SBNO2: variants seen among roughly 807,000 people sequenced by gnomAD.
The protein encoded by SBNO2 is protein strawberry notch homolog 2.
A neutral mutation model predicts 146.3 loss-of-function variants in SBNO2; 89 were observed. The observed-to-expected ratio is 0.61, with a 90% CI of 0.51 to 0.73. The LOEUF (loss-of-function observed/expected upper bound fraction) is 0.73, where lower values mean the gene tolerates loss of function less well. Among genes scored for constraint, SBNO2 ranks in the 30% least tolerant of loss-of-function variants. The pLI is 0.00. For synonymous variants in SBNO2, 1,147 were observed against 892.6 expected, an observed-to-expected ratio of 1.29 and a Z score of -5.08; for missense variants, 2,092 against 2,003.7, an observed-to-expected ratio of 1.04 and a Z score of -0.84.
Position 1,119,918 on chromosome 19 carries a change from C to T in SBNO2, c.1255G>A (p.Ala419Thr), listed in dbSNP as rs376093678. The T allele has an allele frequency of 6.5e-6, 10 of 1,547,000 alleles. No homozygotes were observed. In the Admixed American group the frequency reaches 7.8e-5, roughly 12 times the overall value. The change falls in exon 12 of 32, where the codon GCC (alanine) becomes ACC (threonine). Residue 419 changes from alanine to threonine, a missense_variant. Ala to Thr is a moderately conservative substitution (Grantham distance 58). Transcript: ENST00000361757. ...CGCACCGCCCCACCTGTGGCGCTGG[C>T]GTAGACCACGCGGGCCAGGGGCAGC... ...NKLPLARVVY[A>T]SATGASEPRN...
chr19:1,161,845 G>A (rs868333412), intron 1 of SBNO2, among the ~76,000 whole-genome samples: 27 of 149,132 alleles, frequency 1.8e-4, no homozygotes, highest in African/African-American at 5.4e-4. Flanking sequence ...TGAAAGAGTC[G>A]TCAGTCAGGC....
At position 1,119,607 on chromosome 19, in the gene SBNO2, G is replaced by C. The variant is rs927446298; in HGVS notation, c.1282C>G (p.Arg428Gly). ...AAGCGGCTCATGTAGATCATGTTCC[G>C]AGGCTCAGAGGCACCTGTGGGGGGA... The part of the protein sequence containing the change: ...YASATGASEP[R>G]NMIYMSRLGI... The change falls in exon 13 of 32, where the codon CGG becomes GGG. Residue 428 changes from arginine (R) to glycine (G), a missense_variant. Physicochemically the swap from Arg to Gly is moderately radical, Grantham distance 125. Coordinates refer to ENST00000361757, the MANE Select transcript of SBNO2 (RefSeq NM_014963.3). The C allele has an allele frequency of 3.7e-6, 6 of 1,607,902 alleles. No individual in the cohort carries two copies. Among genetic ancestry groups the C allele is most frequent in the East Asian group, 2.2e-5 (1 of 44,652 alleles).
At chr19:1,154,811 G>A (rs577266544) in intron 1 of SBNO2, among the ~76,000 whole-genome samples, 2 of 152,304 alleles carry the variant, frequency 1.3e-5, no homozygotes, top group East Asian at 3.9e-4. Flanking sequence ...GCACCCAGGG[G>A]AGCCCAGGGG....
In SBNO2 at chr19:1,126,085, G is replaced by A. The variant is rs907706819; in HGVS notation, c.441+1519C>T. Among the ~76,000 whole-genome samples the A allele has an allele frequency of 3.9e-5, 6 of 152,148 alleles. No homozygotes were observed. Among genetic ancestry groups the A allele is most frequent in the African/African-American group, 1.2e-4 (5 of 41,430 alleles). On this transcript the variant is annotated intron_variant, in intron 5 of 31. Coordinates refer to ENST00000361757, the MANE Select transcript of SBNO2 (RefSeq NM_014963.3). The surrounding 1 kb of genome is among the most constrained non-coding windows in gnomAD (Gnocchi z 4.4). ...ACGTCCTGAGACGGGTGAGGTTTCC[G>A]CCCAAGCCTGCCTGAGCCCGGGCCG...
At chr19:1,122,625 C>G in intron 9 of SBNO2, 33 bp downstream of exon 9, 10 of 1,510,920 alleles carry the variant, frequency 6.6e-6, no homozygotes, top group Non-Finnish European at 8.9e-6. Flanking sequence ...CCCCCACCCC[C>G]GCTCCCGCCC....
rs947482927 is a variant in SBNO2 at position 1,110,415 on chromosome 19, C to G, written c.3028+330G>C. On this transcript the variant is annotated intron_variant, in intron 26 of 31. Transcript: ENST00000361757. The surrounding 1 kb of genome is among the most constrained non-coding windows in gnomAD (Gnocchi z 4.9). ...CCTTCCAGAGACGTGCACGGTGATC[C>G]CACGAGCCCTGTGCCTGCATCCGCC... Among the ~76,000 whole-genome samples the G allele has an allele frequency of 3.3e-5, 5 of 152,164 alleles. No individual in the cohort carries two copies. The highest frequency in any genetic ancestry group is 7.4e-5 in the Non-Finnish European group (5 of 68,006).
rs1374005783 is a variant in SBNO2 at position 1,141,824 on chromosome 19, T to A, written c.279+5485A>T. On this transcript the variant is annotated intron_variant, in intron 4 of 31. Transcript: ENST00000361757. Reference sequence around the variant, plus strand: ...TTTTTATACAGATAGGGTCTCACTATGTTGCGCAGGCTGGTCTCAAACCCC... The same window carrying A: ...TTTTTATACAGATAGGGTCTCACTAAGTTGCGCAGGCTGGTCTCAAACCCC... 2.0e-5 allele frequency among the ~76,000 whole-genome samples: 3 copies of A among 151,830 alleles called. No individual in the cohort carries two copies. In the East Asian group the frequency reaches 5.8e-4, roughly 30 times the overall value.
Position 1,158,860 on chromosome 19 carries a change from G to A in SBNO2, c.-126-4458C>T, listed in dbSNP as rs952096410. On this transcript the variant is annotated intron_variant, in intron 1 of 31. Coordinates refer to ENST00000361757, the MANE Select transcript of SBNO2 (RefSeq NM_014963.3). This position sits in a 1 kb window ranked among gnomAD's most constrained non-coding sequence, Gnocchi z 9.9. ...TGCGGCCTCCGGTGACCTCACAGCC[G>A]TGATGGCCTCCTGCAGCTGTGACCG... is the stretch of plus-strand genomic sequence containing the variant. Among the ~76,000 whole-genome samples, 10 of 152,118 alleles carry A rather than the reference G, an allele frequency of 6.6e-5. No homozygotes were observed. Among genetic ancestry groups the A allele is most frequent in the African/African-American group, 1.9e-4 (8 of 41,370 alleles).
rs547846994 is a variant in SBNO2 at position 1,156,376 on chromosome 19, A to G, written c.-126-1974T>C. On this transcript the variant is annotated intron_variant, in intron 1 of 31. Coordinates refer to ENST00000361757, the MANE Select transcript of SBNO2 (RefSeq NM_014963.3). The stretch of plus-strand genomic sequence containing the variant: ...TGGACCGGGAGGGGATGGGGGCAGG[A>G]GAACAATGCGGACACCAGGCACAAC... Among the ~76,000 whole-genome samples the G allele has an allele frequency of 2.6e-5, 4 of 152,238 alleles. No individual in the cohort carries two copies. In the South Asian group the frequency reaches 8.3e-4, roughly 32 times the overall value.
intron 4 of SBNO2, among the ~76,000 whole-genome samples, chr19:1,133,240 G>A (rs757490592): frequency 6.6e-6 from 1 of 152,180 alleles, no homozygotes; most frequent in Non-Finnish European, 1.5e-5. Context: ...GGCCGAGACC[G>A]CGCAGGTGGC....
rs2079970820 is a variant in SBNO2, at chr19:1,126,814, C to T, written c.441+790G>A. On this transcript the variant is annotated intron_variant, in intron 5 of 31. Coordinates refer to ENST00000361757, the MANE Select transcript of SBNO2 (RefSeq NM_014963.3). The surrounding 1 kb of genome is among the most constrained non-coding windows in gnomAD (Gnocchi z 4.4). Reference sequence around the variant, plus strand: ...TAGAAGCTTCTCTCGTGGACAGGCCCGGATTGGGGAAGGGACTTGCCAGGC... The same window carrying T: ...TAGAAGCTTCTCTCGTGGACAGGCCTGGATTGGGGAAGGGACTTGCCAGGC... Among the ~76,000 whole-genome samples the T allele has an allele frequency of 6.6e-6, 1 of 152,226 alleles. No individual in the cohort carries two copies. Among genetic ancestry groups the T allele is most frequent in the Admixed American group, 6.5e-5 (1 of 15,290 alleles).
At chr19:1,161,986 C>G (rs1348454612) in intron 1 of SBNO2, among the ~76,000 whole-genome samples, 2 of 139,368 alleles carry the variant, frequency 1.4e-5, no homozygotes, top group East Asian at 4.2e-4. Context: ...GCCAGACAGA[C>G]GGACGTCCTG....
Position 1,112,762 on chromosome 19 carries a change from C to A in SBNO2, c.2379+56G>T. On this transcript the variant is annotated intron_variant, in intron 20 of 31. Coordinates refer to ENST00000361757, the MANE Select transcript of SBNO2 (RefSeq NM_014963.3). This position sits in a 1 kb window ranked among gnomAD's most constrained non-coding sequence, Gnocchi z 5.9. Reference sequence around the variant, plus strand: ...TCCACAGTCCCCGGGGACCCTTGGGCCCCTCTGTGCCTCTTGGGTCCCGTG... The same window carrying A: ...TCCACAGTCCCCGGGGACCCTTGGGACCCTCTGTGCCTCTTGGGTCCCGTG... 1.3e-6 allele frequency: 2 copies of A among 1,513,460 alleles called. No individual in the cohort carries two copies. Among genetic ancestry groups the A allele is most frequent in the South Asian group, 1.2e-5 (1 of 81,292 alleles). The allele number at this position is 1,513,460 out of a possible 1,614,324, so 93.8% of individuals were successfully genotyped here.
chr19:1,142,516 C>A (rs1195662560), intron 4 of SBNO2, among the ~76,000 whole-genome samples: 1 of 152,160 alleles, frequency 6.6e-6, no homozygotes, highest in African/African-American at 2.4e-5. Flanking sequence ...CCCGTCTCTA[C>A]TAAAAATACA....
At chr19:1,139,521 G>A (rs1395340976) in intron 4 of SBNO2, among the ~76,000 whole-genome samples, 2 of 152,084 alleles carry the variant, frequency 1.3e-5, no homozygotes, top group Non-Finnish European at 2.9e-5. Context: ...GGGGCGGGGC[G>A]TGGTGGCTCG....
intron 4 of SBNO2, among the ~76,000 whole-genome samples, chr19:1,145,568 G>A (rs2080182409): frequency 6.6e-6 from 1 of 152,106 alleles, no homozygotes; most frequent in Non-Finnish European, 1.5e-5. Context: ...GGCGGGGCAA[G>A]GACAGGCTGA....
chr19:1,125,409 G>T lies in SBNO2; in HGVS notation c.442-1387C>A, dbSNP rs914905929. Among the ~76,000 whole-genome samples the T allele has an allele frequency of 6.7e-4, 99 of 147,362 alleles. 2 individuals carry two copies. Among genetic ancestry groups the T allele is most frequent in the Non-Finnish European group, 1.5e-4 (10 of 67,176 alleles). On this transcript the variant is annotated intron_variant, in intron 5 of 31. Coordinates refer to ENST00000361757, the MANE Select transcript of SBNO2 (RefSeq NM_014963.3). ...GCGTGGGCCGGGCATGGTGGCTCAC[G>T]CCTGTAATCCCAGCACTTCGGGAGG...
Position 1,122,142 on chromosome 19 carries a change from G to C in SBNO2, c.1146C>G (p.Gly382=). The C allele has an allele frequency of 7.3e-7, 1 of 1,378,620 alleles. No homozygotes were observed. Among genetic ancestry groups the C allele is most frequent in the African/African-American group, 1.5e-5 (1 of 65,960 alleles). The allele number at this position is 1,378,620 out of a possible 1,614,324, so 85.4% of individuals were successfully genotyped here. A position where few individuals can be genotyped will look rare whatever the true frequency, so the allele number is the denominator to read the frequency against. ...CCGATTGCCCCCAGCAGGATACGACGCCCTCGAAGGCCTCCCCACACCAGT... is the reference window on the plus strand; with the variant it reads ...CCGATTGCCCCCAGCAGGATACGACCCCCTCGAAGGCCTCCCCACACCAGT... ...ILDWCGEAFE[G]VIVFDECHKA... is the part of the protein sequence containing the mutation. The change falls in exon 11 of 32, where the codon GGC becomes GGG. Residue 382 remains glycine (G), a synonymous_variant. Transcript: ENST00000361757.
At chr19:1,151,528 CAG>C (rs796554948) in intron 2 of SBNO2, among the ~76,000 whole-genome samples, 15 of 152,386 alleles carry the variant, frequency 9.8e-5, no homozygotes, top group African/African-American at 3.6e-4. Flanking sequence ...GCAGGCCAAT[CAG>C]AGTCTTCCCT....
Sources: allele counts gnomAD v4.1 joint callset (sites outside exome capture counted in the v4.1 genomes callset), GRCh38; gene constraint gnomAD v4.1.1; non-coding constraint Gnocchi (gnomAD v3.1); transcripts MANE v1.5; gene names NCBI Gene and HGNC (gene_info 2026-07-23, HGNC 2026-07-21).